The following LDLRAD4 variants were observed in gnomAD, a reference collection of about 807,000 sequenced individuals.
The protein encoded by LDLRAD4 is low density lipoprotein receptor class A domain containing 4, also known as low-density lipoprotein receptor class A domain-containing protein 4.
A neutral mutation model predicts 17.0 loss-of-function variants in LDLRAD4; 5 were observed. The ratio of observed to expected loss-of-function variants is 0.29; its 90% CI spans 0.15 to 0.62. The LOEUF (loss-of-function observed/expected upper bound fraction) is 0.62, where lower values mean the gene tolerates loss of function less well. LDLRAD4 is among the 20% of genes least tolerant of loss of function. The pLI is 0.84. For missense variants in LDLRAD4, 340 were observed against 424.7 expected (o/e 0.80, Z 1.75); for synonymous variants, 168 against 171.8 (o/e 0.98, Z 0.17).
intron 4 of LDLRAD4, among the ~76,000 whole-genome samples, chr18:13,635,597 G>A (rs2042008994): frequency 6.6e-6 from 1 of 152,160 alleles, no homozygotes; most frequent in East Asian, 1.9e-4. Context: ...TGAATTTGTG[G>A]GGAGTTTTCC....
chr18:13,326,082 A>T (rs940810393), intron 1 of LDLRAD4, among the ~76,000 whole-genome samples: 3 of 152,116 alleles, frequency 2.0e-5, no homozygotes, highest in African/African-American at 7.2e-5. Flanking sequence ...TATAAATTTT[A>T]TATGGTGACA....
chr18:13,476,969 T>A (rs1006211521), intron 3 of LDLRAD4, among the ~76,000 whole-genome samples: 9 of 152,216 alleles, frequency 5.9e-5, no homozygotes, highest in African/African-American at 2.2e-4. Flanking sequence ...TATATTTTTC[T>A]TATCCTTTTT....
In LDLRAD4 at chr18:13,431,606, C is replaced by T. The variant is rs989541841; in HGVS notation, c.41-6638C>T. Among the ~76,000 whole-genome samples, 3 of 152,172 alleles carry T rather than the reference C, an allele frequency of 2.0e-5. No homozygotes were observed. The South Asian group carries it at 6.2e-4, about 32-fold the overall frequency. ...TGTTGCATGTTTCACTTATGGTTCT[C>T]ATAGAATTTGAGACCCATTAAAATC... On this transcript the variant is annotated intron_variant, in intron 2 of 5. Transcript: ENST00000359446.
intron 3 of LDLRAD4, among the ~76,000 whole-genome samples, chr18:13,570,663 T>C (rs1481459934): frequency 6.6e-6 from 1 of 152,200 alleles, no homozygotes; most frequent in Admixed American, 6.5e-5. Context: ...AATTGGGAGA[T>C]CCAGCAAGAG....
intron 3 of LDLRAD4, among the ~76,000 whole-genome samples, chr18:13,469,548 C>T (rs759296494): frequency 6.6e-6 from 1 of 152,034 alleles, no homozygotes; most frequent in African/African-American, 2.4e-5. Context: ...TATTACTCAG[C>T]CATAAAAAGG....
intron 1 of LDLRAD4, among the ~76,000 whole-genome samples, chr18:13,303,346 A>G (rs1460659395): frequency 1.3e-5 from 2 of 152,194 alleles, no homozygotes; most frequent in East Asian, 3.9e-4. Flanking sequence ...CCTGGGTTCC[A>G]GCAATCTTTC....
At chr18:13,562,131 T>C (rs1162474918) in intron 3 of LDLRAD4, among the ~76,000 whole-genome samples, 1 of 152,260 alleles carries the variant, frequency 6.6e-6, no homozygotes, top group Non-Finnish European at 1.5e-5. Context: ...AATGTGTCCT[T>C]GGACAAGTTG....
At chr18:13,466,761 G>A (rs1002373695) in intron 3 of LDLRAD4, among the ~76,000 whole-genome samples, 1 of 152,140 alleles carries the variant, frequency 6.6e-6, no homozygotes, top group Non-Finnish European at 1.5e-5. Flanking sequence ...GTCTGAGATC[G>A]GGGCACCACC....
intron 1 of LDLRAD4, among the ~76,000 whole-genome samples, chr18:13,267,331 T>G (rs11873840): frequency 1.2e-4 from 19 of 152,198 alleles, no homozygotes; most frequent in African/African-American, 4.3e-4. Context: ...TGTTGTATTG[T>G]TTTTAGTGTG....
chr18:13,530,157 C>T (rs1568303630), intron 3 of LDLRAD4, among the ~76,000 whole-genome samples: 2 of 152,154 alleles, frequency 1.3e-5, no homozygotes. Flanking sequence ...CTCCAGACTC[C>T]TTGATGGATG....
chr18:13,289,788 T>C (rs1474279723), intron 1 of LDLRAD4, among the ~76,000 whole-genome samples: 2 of 152,206 alleles, frequency 1.3e-5, no homozygotes, highest in Non-Finnish European at 2.9e-5. Flanking sequence ...AATTCCTTCT[T>C]GCTGAAGTTG....
chr18:13,228,736 C>T (rs140357612), intron 1 of LDLRAD4, among the ~76,000 whole-genome samples: 1 of 152,236 alleles, frequency 6.6e-6, no homozygotes, highest in Non-Finnish European at 1.5e-5. Context: ...CTTAGCTTTC[C>T]TTCTATTGGG....
intron 1 of LDLRAD4, among the ~76,000 whole-genome samples, chr18:13,344,166 G>GT (rs1287073045): frequency 2.0e-4 from 30 of 152,280 alleles, no homozygotes; most frequent in Middle Eastern, 3.4e-3. Context: ...CCATGCCTAC[G>GT]TCCTGAATGG....
chr18:13,622,113 G>C lies in LDLRAD4; in HGVS notation c.336+842G>C, dbSNP rs751219866. 6.6e-6 allele frequency among the ~76,000 whole-genome samples: 1 copy of C among 152,194 alleles called. No homozygotes were observed. Among genetic ancestry groups the C allele is most frequent in the Non-Finnish European group, 1.5e-5 (1 of 68,018 alleles). The stretch of plus-strand genomic sequence containing the variant: ...CTGAGCACAGGAGCCGGTCCTTACG[G>C]AGCATCCCTCTTCAGGAACAGGGCT... On this transcript the variant is annotated intron_variant, in intron 4 of 5. Coordinates refer to ENST00000359446, the Ensembl canonical transcript of LDLRAD4. This position sits in a 1 kb window ranked among gnomAD's most constrained non-coding sequence, Gnocchi z 5.3.
At chr18:13,343,151 T>C (rs1439819530) in intron 1 of LDLRAD4, among the ~76,000 whole-genome samples, 1 of 152,142 alleles carries the variant, frequency 6.6e-6, no homozygotes, top group African/African-American at 2.4e-5. Flanking sequence ...GTTACATATG[T>C]ATACATGTGC....
At chr18:13,534,392 A>G (rs79745861) in intron 3 of LDLRAD4, among the ~76,000 whole-genome samples, 1,705 of 152,306 alleles carry the variant, frequency 0.011, 36 homozygotes, top group African/African-American at 0.039. Context: ...TGTTTCCCCC[A>G]TAAACACGAA....
chr18:13,517,633 G>T (rs1365047402), intron 3 of LDLRAD4, among the ~76,000 whole-genome samples: 1 of 152,260 alleles, frequency 6.6e-6, no homozygotes, highest in South Asian at 2.1e-4. Context: ...AAGGAGTGCA[G>T]TTTGCAGTTG....
chr18:13,492,241 G>T (rs144869607), intron 3 of LDLRAD4, among the ~76,000 whole-genome samples: 3 of 152,316 alleles, frequency 2.0e-5, no homozygotes, highest in Non-Finnish European at 2.9e-5. Flanking sequence ...CCTGCCACAG[G>T]ACTCATCCAC....
chr18:13,348,113 G>T (rs979217131), intron 1 of LDLRAD4, among the ~76,000 whole-genome samples: 4 of 152,230 alleles, frequency 2.6e-5, no homozygotes, highest in Non-Finnish European at 4.4e-5. Context: ...CGATGCTGGT[G>T]AGGAGCTGCG....
Sources: gnomAD v4.1 joint callset for allele counts (sites outside exome capture counted in the v4.1 genomes callset) on GRCh38, gnomAD v4.1.1 for gene constraint, Gnocchi (gnomAD v3.1) non-coding constraint, MANE v1.5 for transcripts, NCBI Gene and HGNC (gene_info 2026-07-23, HGNC 2026-07-21) for gene names.